LDAH: variants seen among roughly 807,000 people sequenced by gnomAD.
The protein encoded by LDAH is lipid droplet associated hydrolase, also known as lipid droplet-associated hydrolase.
LDAH carries 26 observed loss-of-function variants against 29.6 expected under a neutral mutation model. The observed-to-expected ratio is 0.88, with a 90% CI of 0.64 to 1.22. LDAH has a LOEUF of 1.22. Ranked by LOEUF, LDAH falls within the 50% of genes most tolerant of loss-of-function variation. The pLI, the probability that LDAH is intolerant of heterozygous loss-of-function variation, is 0.00. For missense variants in LDAH, 344 were observed against 387.3 expected (o/e 0.89, Z 0.94); for synonymous variants, 117 against 133.0 (o/e 0.88, Z 0.83).
chr2:20,746,525 TGA>T (rs1667582231), intron 4 of LDAH, among the ~76,000 whole-genome samples: 1 of 152,162 alleles, frequency 6.6e-6, no homozygotes, highest in Non-Finnish European at 1.5e-5. Context: ...AATACTTAGT[TGA>T]TGAGACTGGT....
chr2:20,724,921 TG>T (rs1289705221), intron 5 of LDAH, among the ~76,000 whole-genome samples: 1 of 152,162 alleles, frequency 6.6e-6, no homozygotes, highest in Non-Finnish European at 1.5e-5. Context: ...AGGGACTTGT[TG>T]GTACTGAAGC....
intron 5 of LDAH, among the ~76,000 whole-genome samples, chr2:20,738,207 G>A (rs999187705): frequency 4.0e-5 from 6 of 150,884 alleles, no homozygotes; most frequent in East Asian, 1.9e-4. Context: ...AGCCGAGATC[G>A]CGCCACTGCA....
rs74260591 is a variant in LDAH, at chr2:20,739,922, C to A, written c.703+49G>T. ...CCACTGTCAGAGAGTATTGTGTAAA[C>A]ATTTTGTGATACAAGAATAAACATA... On this transcript the variant is annotated intron_variant, in intron 5 of 6. Coordinates refer to ENST00000237822, the MANE Select transcript of LDAH (RefSeq NM_021925.4). 5.1e-5 allele frequency: 73 copies of A among 1,419,978 alleles called. No individual in the cohort carries two copies. In the East Asian group the frequency reaches 1.3e-3, roughly 24 times the overall value. The allele number at this position is 1,419,978 out of a possible 1,614,324, so 88.0% of individuals were successfully genotyped here. A position where few individuals can be genotyped will look rare whatever the true frequency, so the allele number is the denominator to read the frequency against.
intron 3 of LDAH, among the ~76,000 whole-genome samples, chr2:20,777,301 T>G (rs1249571425): frequency 6.6e-6 from 1 of 152,204 alleles, no homozygotes; most frequent in Non-Finnish European, 1.5e-5. Context: ...TGGGAACTAT[T>G]CAGTAGATTT....
At chr2:20,751,309 T>C (rs1025670631) in intron 4 of LDAH, among the ~76,000 whole-genome samples, 1 of 152,192 alleles carries the variant, frequency 6.6e-6, no homozygotes, top group Non-Finnish European at 1.5e-5. Context: ...TAGTAAAATA[T>C]AATTACTGCA....
In LDAH at chr2:20,740,075, G is replaced by A. The variant is rs755845559; in HGVS notation, c.599C>T (p.Pro200Leu). The change falls in exon 5 of 7, where the codon CCG (proline) becomes CTG (leucine). Residue 200 changes from proline (P) to leucine (L), a missense_variant. Pro to Leu is a moderately conservative substitution (Grantham distance 98). Coordinates refer to ENST00000237822, the MANE Select transcript of LDAH (RefSeq NM_021925.4). ...LYVTGYLLLKPCPETIKSLLI... is the reference protein window; with the variant it reads ...LYVTGYLLLKLCPETIKSLLI... ...CAAGGACTTGATTGTCTCAGGACAC[G>A]GTTTCAATAATAAGTAGCCAGTAAC... 95 of 1,613,920 alleles carry A rather than the reference G, an allele frequency of 5.9e-5. 1 individual carries two copies. Among genetic ancestry groups the A allele is most frequent in the Admixed American group, 1.8e-4 (11 of 59,992 alleles).
In LDAH at chr2:20,685,588, G is replaced by C; in HGVS notation, c.*1315C>G. 1 of 1,550,438 alleles carries C rather than the reference G, an allele frequency of 6.4e-7. No individual in the cohort carries two copies. The highest frequency in any genetic ancestry group is 8.7e-7 in the Non-Finnish European group (1 of 1,146,958). Reference sequence around the variant, plus strand: ...AATCAGAGCCAAATCTTTCATCAGGGGGCTTTAGGATTTGAGCGGAGGGAC... The same window carrying C: ...AATCAGAGCCAAATCTTTCATCAGGCGGCTTTAGGATTTGAGCGGAGGGAC... On this transcript the variant is annotated 3_prime_UTR_variant, in exon 7 of 7. Transcript: ENST00000237822.
Position 20,685,121 on chromosome 2 carries a change from T to A in LDAH, c.*1782A>T. 3.1e-6 allele frequency: 2 copies of A among 649,006 alleles called. No homozygotes were observed. Among genetic ancestry groups the A allele is most frequent in the South Asian group, 3.3e-5 (1 of 30,288 alleles). The allele number at this position is 649,006 out of a possible 1,614,324, so 40.2% of individuals were successfully genotyped here. On this transcript the variant is annotated 3_prime_UTR_variant, in exon 7 of 7. Transcript: ENST00000237822. ...TCAGATGATAAATAGGAATTAAGAA[T>A]GAGTATCTTTCTTAGGCTCTAAAAA...
At chr2:20,711,961 A>T (rs1375831374) in intron 5 of LDAH, among the ~76,000 whole-genome samples, 1 of 152,268 alleles carries the variant, frequency 6.6e-6, no homozygotes, top group Non-Finnish European at 1.5e-5. Context: ...GGCAGGGCAT[A>T]GCTGAACAAA....
In LDAH at chr2:20,801,958, A is replaced by ATGTG. The variant is rs201368706; in HGVS notation, c.-2-497_-2-494dup. Among the ~76,000 whole-genome samples the ATGTG allele has an allele frequency of 4.1e-3, 565 of 138,624 alleles. 7 individuals carry two copies. Among genetic ancestry groups the ATGTG allele is most frequent in the Middle Eastern group, 0.011 (3 of 262 alleles). 90.9% of individuals were successfully genotyped at this position (138,624 alleles called of 152,430 possible). A position where few individuals can be genotyped will look rare whatever the true frequency, so the allele number is the denominator to read the frequency against. On this transcript the variant is annotated intron_variant, in intron 1 of 6. Transcript: ENST00000237822. Reference sequence around the variant, plus strand: ...TGTGTGTGTGTGTGTGTGTGTGTGTATGTGTGTGTGTGTGTGTGTATGTAT... The same window carrying ATGTG: ...TGTGTGTGTGTGTGTGTGTGTGTGTATGTGTGTGTGTGTGTGTGTGTGTATGTAT...
At chr2:20,775,041 G>T (rs964910759) in intron 3 of LDAH, 62 bp from the exon 4 acceptor site, 15 of 1,406,228 alleles carry the variant, frequency 1.1e-5, no homozygotes, top group Non-Finnish European at 1.4e-5. Context: ...AAAAGATCAA[G>T]AAAAAGATAA....
At chr2:20,801,158 T>C (rs1327418261) in intron 2 of LDAH, 152 bp downstream of exon 2, 1 of 709,326 alleles carries the variant, frequency 1.4e-6, no homozygotes, top group East Asian at 2.7e-5. Flanking sequence ...AATCCAGACG[T>C]CAAAATATTA....
chr2:20,807,935 CAA>C (rs569770455), intron 1 of LDAH, among the ~76,000 whole-genome samples: 51 of 108,766 alleles, frequency 4.7e-4, no homozygotes, highest in African/African-American at 1.3e-3. Context: ...ATAGAAAATG[CAA>C]AAAAAAAAAA....
intron 1 of LDAH, among the ~76,000 whole-genome samples, chr2:20,804,621 A>G (rs192923258): frequency 1.3e-5 from 2 of 152,146 alleles, no homozygotes; most frequent in Non-Finnish European, 2.9e-5. Flanking sequence ...CTTTTCTAAC[A>G]TTTCTAAAAT....
At chr2:20,801,170 G>T in intron 2 of LDAH, 140 bp downstream of exon 2, 1 of 771,526 alleles carries the variant, frequency 1.3e-6, no homozygotes, top group South Asian at 2.0e-5. Context: ...AAAATATTAA[G>T]GGTGGTTGTT....
chr2:20,766,358 G>T (rs1249979301), intron 4 of LDAH, among the ~76,000 whole-genome samples: 1 of 152,148 alleles, frequency 6.6e-6, no homozygotes, highest in Non-Finnish European at 1.5e-5. Flanking sequence ...AAAATTTGAG[G>T]AGTGAAAATT....
chr2:20,704,351 C>T (rs4971532), intron 5 of LDAH, among the ~76,000 whole-genome samples: 9,200 of 152,158 alleles, frequency 0.06, 376 homozygotes, highest in East Asian at 0.13. Context: ...CTCTAAGTCC[C>T]GGTTCCAAAA....
At chr2:20,814,231 G>C (rs565158) in intron 1 of LDAH, among the ~76,000 whole-genome samples, 2 of 17,000 alleles carry the variant, frequency 1.2e-4, no homozygotes, top group African/African-American at 1.3e-4. Flanking sequence ...TCTGACAATG[G>C]GGGGGGGGGG....
intron 2 of LDAH, among the ~76,000 whole-genome samples, chr2:20,792,245 T>A (rs1475967653): frequency 2.0e-5 from 3 of 152,142 alleles, no homozygotes; most frequent in Non-Finnish European, 4.4e-5. Flanking sequence ...ATAGATTTCT[T>A]CATATGGCTA....
Sources: allele counts gnomAD v4.1 joint callset (sites outside exome capture counted in the v4.1 genomes callset), GRCh38; gene constraint gnomAD v4.1.1; transcripts MANE v1.5; gene names NCBI Gene and HGNC (gene_info 2026-07-23, HGNC 2026-07-21).